Variants in REDIC1 observed in about 807,000 individuals in gnomAD.
REDIC1 encodes HEI10 Interacting Protein 1.
chr12:39,653,542 C>CTTCTTCTTCTTCTTCTTCTTT, the REDIC1 span, among the ~76,000 whole-genome samples: 5 of 37,294 alleles, frequency 1.3e-4, no homozygotes, highest in Admixed American at 6.6e-4. Flanking sequence ...TCTTCTTTTT[C>CTTCTTCTTCTTCTTCTTCTTT]TTCTTCTTCT....
the REDIC1 span, among the ~76,000 whole-genome samples, chr12:39,896,083 C>T: frequency 2.1e-5 from 3 of 145,084 alleles, no homozygotes; most frequent in South Asian, 2.1e-4. Flanking sequence ...TACACGTGTA[C>T]ATATATGTAT....
At chr12:39,846,696 C>T in the REDIC1 span, among the ~76,000 whole-genome samples, 1 of 152,172 alleles carries the variant, frequency 6.6e-6, no homozygotes, top group Admixed American at 6.5e-5. Context: ...AAAAGATCCA[C>T]TGGCCTCGGC....
At chr12:39,754,817 A>C in the REDIC1 span, among the ~76,000 whole-genome samples, 2 of 152,132 alleles carry the variant, frequency 1.3e-5, no homozygotes, top group South Asian at 4.1e-4. Context: ...TATTTAGAAT[A>C]ATTCTTTAGA....
At chr12:39,870,191 T>A in the REDIC1 span, among the ~76,000 whole-genome samples, 425 of 152,298 alleles carry the variant, frequency 2.8e-3, 1 homozygote, top group Non-Finnish European at 4.6e-3. Context: ...GCAATTAAGT[T>A]CTATTTAAAA....
At chr12:39,894,153 A>C in the REDIC1 span, among the ~76,000 whole-genome samples, 1 of 152,220 alleles carries the variant, frequency 6.6e-6, no homozygotes, top group Admixed American at 6.5e-5. Flanking sequence ...GGGCTTTGCA[A>C]AAAGTAACAG....
chr12:39,647,675 A>G, the REDIC1 span: 1 of 726,270 alleles, frequency 1.4e-6, no homozygotes, highest in African/African-American at 1.9e-5. Context: ...TTGCCTTAGG[A>G]CATTTTCTTT....
chr12:39,906,820 TA>T, the REDIC1 span, among the ~76,000 whole-genome samples: 1 of 152,158 alleles, frequency 6.6e-6, no homozygotes, highest in Non-Finnish European at 1.5e-5. Flanking sequence ...ATGGTGACAG[TA>T]ACATTTTTGC....
At chr12:39,835,093 A>G in the REDIC1 span, among the ~76,000 whole-genome samples, 3 of 152,112 alleles carry the variant, frequency 2.0e-5, no homozygotes, top group Admixed American at 1.3e-4. Flanking sequence ...CACAAAGTCA[A>G]TGCTCATAAG....
At chr12:39,728,780 CTTTTTTTTTTTT>C in the REDIC1 span, among the ~76,000 whole-genome samples, 1 of 92,176 alleles carries the variant, frequency 1.1e-5, no homozygotes, top group African/African-American at 4.4e-5. Flanking sequence ...TGGTCCTGGG[CTTTTTTTTTTTT>C]TTTTTTTTGG....
the REDIC1 span, among the ~76,000 whole-genome samples, chr12:39,731,500 T>G: frequency 6.6e-6 from 1 of 152,138 alleles, no homozygotes; most frequent in African/African-American, 2.4e-5. Flanking sequence ...AGCAAAGATT[T>G]CTGCCTGTTC....
the REDIC1 span, among the ~76,000 whole-genome samples, chr12:39,722,752 C>G: frequency 1.3e-5 from 2 of 152,142 alleles, no homozygotes; most frequent in African/African-American, 4.8e-5. Context: ...GCAGTGACCA[C>G]TTACAGTGAC....
chr12:39,646,688 A>G, the REDIC1 span: 1 of 571,064 alleles, frequency 1.8e-6, no homozygotes, highest in Non-Finnish European at 2.8e-6. Context: ...TATTAATATA[A>G]TTTTTATAAA....
chr12:39,816,449 A>T, the REDIC1 span, among the ~76,000 whole-genome samples: 1 of 101,416 alleles, frequency 9.9e-6, no homozygotes, highest in African/African-American at 3.8e-5. Context: ...GGGAGGGGGG[A>T]GGGATAGCAT....
the REDIC1 span, among the ~76,000 whole-genome samples, chr12:39,851,651 T>C: frequency 6.6e-6 from 1 of 152,064 alleles, no homozygotes; most frequent in African/African-American, 2.4e-5. Context: ...GATACACACA[T>C]AGGAAAACAC....
chr12:39,678,233 A>G, the REDIC1 span, among the ~76,000 whole-genome samples: 5 of 152,174 alleles, frequency 3.3e-5, no homozygotes, highest in African/African-American at 4.8e-5. Context: ...AAATAAGCTC[A>G]ATTAGAAACA....
the REDIC1 span, among the ~76,000 whole-genome samples, chr12:39,897,866 A>T: frequency 6.6e-6 from 1 of 152,102 alleles, no homozygotes; most frequent in Non-Finnish European, 1.5e-5. Context: ...GCATATTTAA[A>T]CTGAATACAT....
chr12:39,751,943 C>A, the REDIC1 span, among the ~76,000 whole-genome samples: 1 of 152,106 alleles, frequency 6.6e-6, no homozygotes, highest in African/African-American at 2.4e-5. Flanking sequence ...AGGAGATATA[C>A]CTAACGTAAA....
At chr12:39,692,229 AT>A in the REDIC1 span, 1 of 980,412 alleles carries the variant, frequency 1.0e-6, no homozygotes, top group Non-Finnish European at 1.4e-6. Flanking sequence ...TATCATGGAT[AT>A]TTTAGTACTA....
chr12:39,892,446 C>T, the REDIC1 span, among the ~76,000 whole-genome samples: 2 of 152,236 alleles, frequency 1.3e-5, no homozygotes, highest in Non-Finnish European at 2.9e-5. Context: ...GAGTGATAGA[C>T]TGCTTATGAT....
Sources: allele counts gnomAD v4.1 joint callset (sites outside exome capture counted in the v4.1 genomes callset), GRCh38; gene constraint gnomAD v4.1.1; transcripts MANE v1.5; gene names NCBI Gene and HGNC (gene_info 2026-07-23, HGNC 2026-07-21).